DLGAP1: variants seen among roughly 807,000 people sequenced by gnomAD.
DLGAP1 encodes the protein DLG associated protein 1.
In DLGAP1, 11 loss-of-function variants were observed where a neutral mutation model predicts 90.8. The ratio of observed to expected loss-of-function variants is 0.12; its 90% CI spans 0.08 to 0.20. DLGAP1 has a LOEUF of 0.20. Among genes scored for constraint, DLGAP1 ranks in the 10% least tolerant of loss-of-function variants. The pLI, the probability that DLGAP1 is intolerant of heterozygous loss-of-function variation, is 1.00. For synonymous variants in DLGAP1, 558 were observed against 540.7 expected, an observed-to-expected ratio of 1.03 and a Z score of -0.44; for missense variants, 1,050 against 1,333.8, an observed-to-expected ratio of 0.79 and a Z score of 3.31.
chr18:4,371,324 G>C (rs778030278), intron 1 of DLGAP1, among the ~76,000 whole-genome samples: 13 of 152,238 alleles, frequency 8.5e-5, no homozygotes, highest in Non-Finnish European at 1.5e-4. Context: ...CAATGGAAGA[G>C]AAAGAAGTAC....
chr18:3,613,736 T>G (rs2057733300), intron 7 of DLGAP1, among the ~76,000 whole-genome samples: 1 of 152,220 alleles, frequency 6.6e-6, no homozygotes, highest in Admixed American at 6.5e-5. Context: ...ATAAATTGGT[T>G]GGTCTGTGTC....
intron 3 of DLGAP1, among the ~76,000 whole-genome samples, chr18:3,918,145 CT>C (rs2072187902): frequency 6.6e-6 from 1 of 152,218 alleles, no homozygotes; most frequent in South Asian, 2.1e-4. Context: ...ATTTGCATTT[CT>C]TTGGTTCTTG....
chr18:3,758,739 A>G (rs371404098), intron 5 of DLGAP1, among the ~76,000 whole-genome samples: 4 of 152,134 alleles, frequency 2.6e-5, no homozygotes, highest in African/African-American at 4.8e-5. Flanking sequence ...TTAGTCATGC[A>G]TATGACTCAT....
chr18:3,721,931 A>G (rs1010885456), intron 7 of DLGAP1: 2 of 152,198 alleles, frequency 1.3e-5, no homozygotes, highest in Admixed American at 1.3e-4. Context: ...TAGACAATGT[A>G]TGCAGCTGTT....
intron 7 of DLGAP1, among the ~76,000 whole-genome samples, chr18:3,672,577 C>CAAAAAAAAAAAAAAA (rs60316690): frequency 2.5e-5 from 1 of 39,558 alleles, no homozygotes; most frequent in Admixed American, 4.6e-4. Context: ...AACTCTATCT[C>CAAAAAAAAAAAAAAA]AAAAAAAAAA....
At chr18:3,808,120 T>C (rs1303762555) in intron 5 of DLGAP1, among the ~76,000 whole-genome samples, 1 of 152,242 alleles carries the variant, frequency 6.6e-6, no homozygotes, top group Non-Finnish European at 1.5e-5. Context: ...TAGCTGTTTT[T>C]TTCTTTTTTA....
intron 9 of DLGAP1, among the ~76,000 whole-genome samples, chr18:3,539,185 T>C (rs142053659): frequency 0.012 from 1,769 of 152,338 alleles, 15 homozygotes; most frequent in Admixed American, 0.027. Flanking sequence ...AAGAGTGCAG[T>C]CAAGTTGTTA....
Position 3,496,085 on chromosome 18 carries a change from T to A in DLGAP1, c.*3100A>T, listed in dbSNP as rs1450952439. 6.6e-6 allele frequency: 1 copy of A among 152,248 alleles called. No homozygotes were observed. Among genetic ancestry groups the A allele is most frequent in the Non-Finnish European group, 1.5e-5 (1 of 68,050 alleles). The allele number at this position is 152,248 out of a possible 1,614,324, so 9.4% of individuals were successfully genotyped here. ...CTTCTTTTTACATTATGGGAAACATTCATCTATTTACAATATTTTTTTGTT... is the reference window on the plus strand; with the variant it reads ...CTTCTTTTTACATTATGGGAAACATACATCTATTTACAATATTTTTTTGTT... On this transcript the variant is annotated 3_prime_UTR_variant, in exon 13 of 13. Transcript: ENST00000315677.
intron 2 of DLGAP1, among the ~76,000 whole-genome samples, chr18:4,072,064 T>A (rs2075455731): frequency 6.6e-6 from 1 of 152,218 alleles, no homozygotes; most frequent in Non-Finnish European, 1.5e-5. Context: ...GCTGAGGACA[T>A]ATGCTGTGTG....
chr18:3,929,083 G>GCCAT (rs2072458235), intron 3 of DLGAP1, among the ~76,000 whole-genome samples: 3 of 152,050 alleles, frequency 2.0e-5, no homozygotes, highest in African/African-American at 7.2e-5. Flanking sequence ...AGTTTCCTGA[G>GCCAT]GTCTCCCAGC....
intron 2 of DLGAP1, among the ~76,000 whole-genome samples, chr18:4,066,764 T>C (rs2075375815): frequency 6.6e-6 from 1 of 152,148 alleles, no homozygotes; most frequent in African/African-American, 2.4e-5. Context: ...GAGGACAGTG[T>C]GGTAATTCCT....
In DLGAP1 at chr18:4,287,131, G is replaced by A. The variant is rs937629992; in HGVS notation, c.-266-135844C>T. Reference sequence around the variant, plus strand: ...TGGTAGTTTGGAACCAAGCCAAGCCGAGACCAGTCTGGTATAGCCAGAGCT... The same window carrying A: ...TGGTAGTTTGGAACCAAGCCAAGCCAAGACCAGTCTGGTATAGCCAGAGCT... On this transcript the variant is annotated intron_variant, in intron 1 of 12. Coordinates refer to ENST00000315677, the MANE Select transcript of DLGAP1 (RefSeq NM_004746.4). 4.6e-5 allele frequency among the ~76,000 whole-genome samples: 7 copies of A among 152,292 alleles called. No homozygotes were observed. In the East Asian group the frequency reaches 5.8e-4, roughly 13 times the overall value.
intron 7 of DLGAP1, among the ~76,000 whole-genome samples, chr18:3,640,908 T>C (rs1209038703): frequency 1.3e-5 from 2 of 152,182 alleles, no homozygotes; most frequent in South Asian, 2.1e-4. Context: ...ACTATTATTG[T>C]CATTCAAATT....
At chr18:3,953,831 C>A (rs1391495103) in intron 3 of DLGAP1, among the ~76,000 whole-genome samples, 2 of 152,108 alleles carry the variant, frequency 1.3e-5, no homozygotes, top group African/African-American at 4.8e-5. Context: ...GGTATGGCAT[C>A]TGATATTTCA....
chr18:3,631,184 A>AT (rs2058512023), intron 7 of DLGAP1, among the ~76,000 whole-genome samples: 1 of 151,104 alleles, frequency 6.6e-6, no homozygotes, highest in Non-Finnish European at 1.5e-5. Context: ...GGGTTTCACC[A>AT]TGTTGGTCAG....
intron 1 of DLGAP1, chr18:4,294,387 C>T (rs2143108987): frequency 6.6e-6 from 1 of 152,340 alleles, no homozygotes; most frequent in East Asian, 1.9e-4. Flanking sequence ...CCACACATGT[C>T]CTCTGCCATC....
intron 3 of DLGAP1, among the ~76,000 whole-genome samples, chr18:3,899,520 C>A (rs74925231): frequency 5.3e-5 from 8 of 152,288 alleles, no homozygotes; most frequent in South Asian, 4.1e-4. Context: ...TTTGAGGAAA[C>A]CTTTTGGATG....
chr18:4,276,149 CG>C (rs1340153594), intron 1 of DLGAP1, among the ~76,000 whole-genome samples: 5 of 7,930 alleles, frequency 6.3e-4, no homozygotes, highest in African/African-American at 2.6e-3. Context: ...TCTTTTTTGG[CG>C]GGGGGTGGGA....
intron 7 of DLGAP1, among the ~76,000 whole-genome samples, chr18:3,681,400 A>T (rs1193886733): frequency 1.3e-5 from 2 of 152,246 alleles, no homozygotes; most frequent in African/African-American, 2.4e-5. Context: ...ATAAAAGTGT[A>T]AGGCATTTTA....
Sources: gnomAD v4.1 joint callset for allele counts (sites outside exome capture counted in the v4.1 genomes callset) on GRCh38, gnomAD v4.1.1 for gene constraint, MANE v1.5 for transcripts, NCBI Gene and HGNC (gene_info 2026-07-23, HGNC 2026-07-21) for gene names.